Variants in PSME1 observed in about 807,000 individuals in gnomAD.
PSME1 encodes proteasome activator complex subunit 1.
Under a neutral mutation model 38.4 loss-of-function variants are expected in PSME1, and 15 were observed. The observed-to-expected ratio is 0.39, with a 90% confidence interval of 0.26 to 0.60. The LOEUF (loss-of-function observed/expected upper bound fraction) is 0.60. Among genes scored for constraint, PSME1 ranks in the 20% least tolerant of loss-of-function variants. The probability of loss-of-function intolerance (pLI) is 0.53; values close to 1 mark genes in which losing one functional copy is unlikely to be tolerated. For missense variants in PSME1, 249 were observed against 305.6 expected, an observed-to-expected ratio of 0.81 and a Z score of 1.38; for synonymous variants, 106 against 106.8, an observed-to-expected ratio of 0.99 and a Z score of 0.05.
intron 2 of PSME1, 37 bp downstream of exon 2, chr14:24,137,054 C>T (rs1485364456): frequency 1.2e-6 from 2 of 1,614,166 alleles, no homozygotes; most frequent in Non-Finnish European, 1.7e-6. Flanking sequence ...CCACCCCTGC[C>T]CAACTCCTAC....
At position 24,138,370 on chromosome 14, in the gene PSME1, G is replaced by C. The variant is rs776362294; in HGVS notation, c.553G>C (p.Val185Leu). The C allele has an allele frequency of 1.2e-6, 2 of 1,614,190 alleles. No individual in the cohort carries two copies. The highest frequency in any genetic ancestry group is 1.7e-6 in the Non-Finnish European group (2 of 1,180,038). Residue 185 changes from valine (V) to leucine (L), a missense_variant, in exon 9 of 11, where the codon GTG becomes CTG. Coordinates refer to ENST00000206451, the MANE Select transcript of PSME1 (RefSeq NM_006263.4). ...GTATTTCTCTGAGCGTGGTGATGCA[G>C]TGACTAAAGCAGCCAAGCAGCCCCA... Reference protein sequence around the residue: ...SKYFSERGDAVTKAAKQPHVG... With the variant: ...SKYFSERGDALTKAAKQPHVG...
chr14:24,137,802 GCCCTCC>G lies in PSME1; in HGVS notation c.390+10_390+15del. 1 of 1,613,304 alleles carries G rather than the reference GCCCTCC, an allele frequency of 6.2e-7. No homozygotes were observed. Reference sequence around the variant, plus strand: ...GTCATTGAGCAGCTCAACCTGGTAAGCCCTCCCCCTTAAACTCTCAGGCTTCAAGTC... The same window carrying G: ...GTCATTGAGCAGCTCAACCTGGTAAGCCCTTAAACTCTCAGGCTTCAAGTC... On this transcript the variant is annotated splice_donor_region_variant and intron_variant, in intron 6 of 10. Coordinates refer to ENST00000206451, the MANE Select transcript of PSME1 (RefSeq NM_006263.4).
At chr14:24,137,678 T>C in intron 5 of PSME1, 22 bp from the exon 6 acceptor site, 3 of 1,612,282 alleles carry the variant, frequency 1.9e-6, no homozygotes, top group Non-Finnish European at 2.5e-6. Flanking sequence ...ATCATGTGAC[T>C]GACCCATTGC....
Position 24,137,542 on chromosome 14 carries a change from A to G in PSME1, c.269A>G (p.Lys90Arg), listed in dbSNP as rs778962194. ...QQEKEDKDEK[K>R]KGEDEDKGPP... Reference sequence around the variant, plus strand: ...CAGAAGGAAGACAAGGATGAAAAGAAGAAGGGGGAGGATGAAGACAAAGGT... The same window carrying G: ...CAGAAGGAAGACAAGGATGAAAAGAGGAAGGGGGAGGATGAAGACAAAGGT... The change falls in exon 5 of 11, where the codon AAG becomes AGG. Residue 90 changes from lysine to arginine, a missense_variant. Coordinates refer to ENST00000206451, the MANE Select transcript of PSME1 (RefSeq NM_006263.4). 1 of 1,614,246 alleles carries G rather than the reference A, an allele frequency of 6.2e-7. No individual in the cohort carries two copies. The highest frequency in any genetic ancestry group is 1.1e-5 in the South Asian group (1 of 91,080).
Position 24,136,363 on chromosome 14 carries a change from A to T in PSME1, c.39+62A>T. ...AGGCGTGGCTGGAGCGGCCGGGGGC[A>T]TCCCCGACCCGCCCCCCAGGCTCCC... On this transcript the variant is annotated intron_variant, in intron 1 of 10. Coordinates refer to ENST00000206451, the MANE Select transcript of PSME1 (RefSeq NM_006263.4). This position sits in a 1 kb window ranked among gnomAD's most constrained non-coding sequence, Gnocchi z 4.8. The T allele has an allele frequency of 7.0e-7, 1 of 1,428,228 alleles. No homozygotes were observed. The highest frequency in any genetic ancestry group is 2.9e-5 in the Admixed American group (1 of 35,050). 88.5% of individuals were successfully genotyped at this position (1,428,228 alleles called of 1,614,324 possible).
chr14:24,138,288 T>A (rs762412427), intron 8 of PSME1, 25 bp downstream of exon 8: 2 of 1,613,974 alleles, frequency 1.2e-6, no homozygotes, highest in South Asian at 1.1e-5. Context: ...ATGTGCACAC[T>A]GTTTTTGTTT....
rs201856614 is a variant in PSME1 at position 24,138,242 on chromosome 14, G to T, written c.506G>T (p.Gly169Val). 3.1e-6 allele frequency: 5 copies of T among 1,614,054 alleles called. No individual in the cohort carries two copies. Among genetic ancestry groups the T allele is most frequent in the Non-Finnish European group, 4.2e-6 (5 of 1,180,042 alleles). ...LMTSLHTKLE[G>V]FHTQISKYFS... ...ACCAGCCTCCACACCAAGCTAGAAG[G>T]CTTCCACACTCAAATCTCTAAGTGA... Residue 169 changes from glycine (G) to valine (V), a missense_variant, in exon 8 of 11, where the codon GGC (glycine) becomes GTC (valine). Gly to Val is a moderately radical substitution (Grantham distance 109, BLOSUM62 -3). Transcript: ENST00000206451.
chr14:24,138,797 C>CA lies in PSME1; in HGVS notation c.734dup (p.Met247AsnfsTer12), dbSNP rs1377150613. ...AAGCTCAAGAAGCCCAGGGGAGAAACAAAGGGAATGATCTATTGAGAGCCC... is the reference window on the plus strand; with the variant it reads ...AAGCTCAAGAAGCCCAGGGGAGAAACAAAAGGGAATGATCTATTGAGAGCCC... On this transcript the variant is annotated frameshift_variant, in exon 11 of 11. Coordinates refer to ENST00000206451, the MANE Select transcript of PSME1 (RefSeq NM_006263.4). LOFTEE classifies it high-confidence loss of function. 1 of 1,614,108 alleles carries CA rather than the reference C, an allele frequency of 6.2e-7. No homozygotes were observed. Among genetic ancestry groups the CA allele is most frequent in the Non-Finnish European group, 8.5e-7 (1 of 1,179,968 alleles).
Position 24,137,441 on chromosome 14 carries a change from G to A in PSME1, c.246+10G>A, listed in dbSNP as rs1230979675. 5 of 1,613,976 alleles carry A rather than the reference G, an allele frequency of 3.1e-6. No homozygotes were observed. The African/African-American group carries it at 4.0e-5, about 13-fold the overall frequency. On this transcript the variant is annotated intron_variant, in intron 4 of 10. Coordinates refer to ENST00000206451, the MANE Select transcript of PSME1 (RefSeq NM_006263.4). ...GAAGAAACAGCAGGAGGCAAGCTGG[G>A]AAGACCTGGGAGAAGGGATCCAACT...
rs921652235 is a variant in PSME1 at position 24,136,196 on chromosome 14, C to T, written c.-67C>T. The T allele has an allele frequency of 4.0e-6, 6 of 1,487,988 alleles. No individual in the cohort carries two copies. The highest frequency in any genetic ancestry group is 4.5e-6 in the Non-Finnish European group (5 of 1,109,986). The allele number at this position is 1,487,988 out of a possible 1,614,324, so 92.2% of individuals were successfully genotyped here. A position where few individuals can be genotyped will look rare whatever the true frequency, so the allele number is the denominator to read the frequency against. On this transcript the variant is annotated 5_prime_UTR_variant, in exon 1 of 11. Coordinates refer to ENST00000206451, the MANE Select transcript of PSME1 (RefSeq NM_006263.4). The surrounding 1 kb of genome is among the most constrained non-coding windows in gnomAD (Gnocchi z 4.8). The stretch of plus-strand genomic sequence containing the variant: ...GCGGAGCTGGGTGCGAGCGCCCTAC[C>T]GCTTTCGCTTTCCCTTCGCGGTGCC...
rs775065143 is a variant in PSME1 at position 24,137,213 on chromosome 14, G to A, written c.135+8G>A. 6 of 1,613,934 alleles carry A rather than the reference G, an allele frequency of 3.7e-6. No individual in the cohort carries two copies. The highest frequency in any genetic ancestry group is 3.4e-6 in the Non-Finnish European group (4 of 1,179,814). Reference sequence around the variant, plus strand: ...CTGGATGCATTTTTAAAGGTACCGCGGCTGGGCAGGGAGCTAGGGAGTAAA... The same window carrying A: ...CTGGATGCATTTTTAAAGGTACCGCAGCTGGGCAGGGAGCTAGGGAGTAAA... On this transcript the variant is annotated splice_region_variant and intron_variant, in intron 3 of 10. Coordinates refer to ENST00000206451, the MANE Select transcript of PSME1 (RefSeq NM_006263.4).
At position 24,137,722 on chromosome 14, in the gene PSME1, C is replaced by T; in HGVS notation, c.315C>T (p.Asn105=). ...TAGGTCCTCCCTGTGGCCCAGTGAACTGCAATGAAAAGATCGTGGTCCTTC... is the reference window on the plus strand; with the variant it reads ...TAGGTCCTCCCTGTGGCCCAGTGAATTGCAATGAAAAGATCGTGGTCCTTC... ...EDKGPPCGPV[N]CNEKIVVLLQ... Residue 105 remains asparagine (N), a synonymous_variant, in exon 6 of 11, where the codon AAC becomes AAT. Transcript: ENST00000206451. The T allele has an allele frequency of 6.2e-7, 1 of 1,614,218 alleles. No homozygotes were observed. Among genetic ancestry groups the T allele is most frequent in the Non-Finnish European group, 8.5e-7 (1 of 1,180,036 alleles).
At position 24,138,217 on chromosome 14, in the gene PSME1, A is replaced by T; in HGVS notation, c.481A>T (p.Thr161Ser). ...AVQEKVFELM[T>S]SLHTKLEGFH... Reference sequence around the variant, plus strand: ...CTAGGAGAAGGTGTTTGAGCTGATGACCAGCCTCCACACCAAGCTAGAAGG... The same window carrying T: ...CTAGGAGAAGGTGTTTGAGCTGATGTCCAGCCTCCACACCAAGCTAGAAGG... Residue 161 changes from threonine to serine, a missense_variant, in exon 8 of 11, where the codon ACC becomes TCC. Transcript: ENST00000206451. The T allele has an allele frequency of 6.2e-7, 1 of 1,614,134 alleles. No homozygotes were observed. Among genetic ancestry groups the T allele is most frequent in the Non-Finnish European group, 8.5e-7 (1 of 1,180,012 alleles).
In PSME1 at chr14:24,138,387, G is replaced by A. The variant is rs2037954764; in HGVS notation, c.570G>A (p.Lys190=). 9 of 1,614,210 alleles carry A rather than the reference G, an allele frequency of 5.6e-6. No individual in the cohort carries two copies. Among genetic ancestry groups the A allele is most frequent in the Non-Finnish European group, 7.6e-6 (9 of 1,180,036 alleles). The part of the protein sequence containing the change: ...ERGDAVTKAA[K]QPHVGDYRQL... ...GTGATGCAGTGACTAAAGCAGCCAA[G>A]CAGCCCCATGTGGTAGGTGAGGCCC... The change falls in exon 9 of 11, where the codon AAG becomes AAA. Residue 190 remains lysine, a synonymous_variant. Transcript: ENST00000206451.
In PSME1 at chr14:24,137,940, G is replaced by C. The variant is rs113233916; in HGVS notation, c.391-109G>C. 9 of 1,504,972 alleles carry C rather than the reference G, an allele frequency of 6.0e-6. No homozygotes were observed. In the Admixed American group the frequency reaches 1.5e-4, roughly 25 times the overall value. 93.2% of individuals were successfully genotyped at this position (1,504,972 alleles called of 1,614,324 possible). On this transcript the variant is annotated intron_variant, in intron 6 of 10. Coordinates refer to ENST00000206451, the MANE Select transcript of PSME1 (RefSeq NM_006263.4). ...CAGAAGTCCAGGCCCTGGGGCTCAG[G>C]ATAGACCCGGCACGCCTCCACCCAG...
Position 24,136,997 on chromosome 14 carries a change from C to G in PSME1, c.52C>G (p.Arg18Gly), listed in dbSNP as rs1170219387. The G allele has an allele frequency of 6.2e-7, 1 of 1,614,056 alleles. No individual in the cohort carries two copies. The highest frequency in any genetic ancestry group is 8.5e-7 in the Non-Finnish European group (1 of 1,180,036). ...PEAQAKVDVF[R>G]EDLCTKTENL... ...GTGTGCCCCACAGGTGGATGTGTTT[C>G]GTGAAGACCTCTGTACCAAGGTAAG... Residue 18 changes from arginine to glycine, a missense_variant, in exon 2 of 11, where the codon CGT becomes GGT. Physicochemically the swap from Arg to Gly is moderately radical, Grantham distance 125. Transcript: ENST00000206451. The surrounding 1 kb of genome is among the most constrained non-coding windows in gnomAD (Gnocchi z 4.8).
At position 24,137,753 on chromosome 14, in the gene PSME1, C is replaced by T. The variant is rs755723198; in HGVS notation, c.346C>T (p.Arg116Cys). The T allele has an allele frequency of 1.4e-5, 22 of 1,614,136 alleles. No individual in the cohort carries two copies. Among genetic ancestry groups the T allele is most frequent in the African/African-American group, 9.3e-5 (7 of 74,944 alleles). Residue 116 changes from arginine to cysteine, a missense_variant, in exon 6 of 11, where the codon CGC becomes TGC. By Grantham distance (180) the Arg-to-Cys change is radical. Coordinates refer to ENST00000206451, the MANE Select transcript of PSME1 (RefSeq NM_006263.4). ...TGAAAAGATCGTGGTCCTTCTGCAG[C>T]GCTTGAAGCCTGAGATCAAGGATGT... ...CNEKIVVLLQ[R>C]LKPEIKDVIE...
rs1347205004 is a variant in PSME1, at chr14:24,136,236, T to G, written c.-27T>G. On this transcript the variant is annotated 5_prime_UTR_variant, in exon 1 of 11. Transcript: ENST00000206451. This position sits in a 1 kb window ranked among gnomAD's most constrained non-coding sequence, Gnocchi z 4.8. ...TTCGCGGTGCCCACTCCACTCCTTG[T>G]GCGGCGCTAGGCCCCCCGTCCCGGT... is the stretch of plus-strand genomic sequence containing the variant. 1.9e-5 allele frequency: 29 copies of G among 1,518,206 alleles called. No individual in the cohort carries two copies. Among genetic ancestry groups the G allele is most frequent in the Non-Finnish European group, 2.5e-5 (28 of 1,133,796 alleles). The allele number at this position is 1,518,206 out of a possible 1,614,324, so 94.0% of individuals were successfully genotyped here.
chr14:24,138,574 G>A lies in PSME1; in HGVS notation c.669+14G>A, dbSNP rs1273233380. ...CGCAATGCTTATGTGAGGAGGCAAG[G>A]GCAGGGCAGGGGTGGGCAGAGGCAG... On this transcript the variant is annotated intron_variant, in intron 10 of 10. Coordinates refer to ENST00000206451, the MANE Select transcript of PSME1 (RefSeq NM_006263.4). 1.2e-6 allele frequency: 2 copies of A among 1,613,874 alleles called. No individual in the cohort carries two copies. The highest frequency in any genetic ancestry group is 1.3e-5 in the African/African-American group (1 of 74,892).
Sources: allele counts gnomAD v4.1 joint callset, GRCh38; gene constraint gnomAD v4.1.1; non-coding constraint Gnocchi (gnomAD v3.1); transcripts MANE v1.5; gene names NCBI Gene and HGNC (gene_info 2026-07-23, HGNC 2026-07-21).